The following SYNE1 variants were observed in gnomAD, a reference collection of about 807,000 sequenced individuals.
SYNE1 encodes spectrin repeat containing nuclear envelope protein 1, also known as nesprin-1.
In SYNE1, 616 loss-of-function variants were observed where a neutral mutation model predicts 1,111.0. The ratio of observed to expected loss-of-function variants is 0.55; its 90% CI spans 0.52 to 0.59. SYNE1 has a LOEUF of 0.59. SYNE1 is among the 20% of genes least tolerant of loss of function. SYNE1 has a pLI of 0.00. For synonymous variants in SYNE1, 3,855 were observed against 3,825.8 expected (o/e 1.01, Z -0.28); for missense variants, 10,006 against 10,417.0 (o/e 0.96, Z 1.72).
intron 3 of SYNE1, among the ~76,000 whole-genome samples, chr6:152,595,294 C>T (rs2099577777): frequency 6.6e-6 from 1 of 152,228 alleles, no homozygotes; most frequent in African/African-American, 2.4e-5. Context: ...GATTTCTCAA[C>T]ATCTCCACTG....
intron 42 of SYNE1, among the ~76,000 whole-genome samples, chr6:152,411,722 CACACA>C (rs1563813488): frequency 1.5e-5 from 2 of 136,138 alleles, no homozygotes; most frequent in African/African-American, 6.2e-5. Context: ...CACACACACA[CACACA>C]CCCCCACACA....
intron 27 of SYNE1, among the ~76,000 whole-genome samples, chr6:152,450,021 C>T (rs573911631): frequency 1.3e-5 from 2 of 152,310 alleles, no homozygotes; most frequent in East Asian, 1.9e-4. Flanking sequence ...TTGGCTGTGT[C>T]GCCACCCAAA....
chr6:152,319,708 G>C (rs972458245), intron 84 of SYNE1, among the ~76,000 whole-genome samples: 1 of 111,362 alleles, frequency 9.0e-6, no homozygotes, highest in East Asian at 2.1e-4. Flanking sequence ...CTCTTTAGTA[G>C]GGAGAAAACA....
chr6:152,123,366 G>A (rs866554112), intron 145 of SYNE1, among the ~76,000 whole-genome samples: 3 of 152,184 alleles, frequency 2.0e-5, no homozygotes, highest in South Asian at 2.1e-4. Context: ...TATCACTGAC[G>A]TCATTACTTT....
rs772056716 is a variant in SYNE1 at position 152,156,032 on chromosome 6, G to T, written c.23856C>A (p.Val7952=). 6.2e-7 allele frequency: 1 copy of T among 1,614,018 alleles called. No homozygotes were observed. The highest frequency in any genetic ancestry group is 8.5e-7 in the Non-Finnish European group (1 of 1,180,034). Residue 7952 remains valine (V), a synonymous_variant, in exon 132 of 146, where the codon GTC becomes GTA. Transcript: ENST00000367255. ...CACAGGCGTCACAGTCGTGCAGCAGGACTTCACACAGGTTGAGGACAGATG... is the reference window on the plus strand; with the variant it reads ...CACAGGCGTCACAGTCGTGCAGCAGTACTTCACACAGGTTGAGGACAGATG... ...GVASVLNLCE[V]LLHDCDACAT... is the part of the protein sequence containing the mutation.
At chr6:152,415,257 C>T (rs767382225) in intron 41 of SYNE1, among the ~76,000 whole-genome samples, 1 of 152,176 alleles carries the variant, frequency 6.6e-6, no homozygotes, top group Non-Finnish European at 1.5e-5. Context: ...TTATCTTTGA[C>T]CCGTTTGCTT....
intron 101 of SYNE1, among the ~76,000 whole-genome samples, chr6:152,257,620 A>C (rs753255552): frequency 5.3e-5 from 8 of 152,232 alleles, no homozygotes; most frequent in Non-Finnish European, 1.2e-4. Flanking sequence ...TTAAGACATA[A>C]ATAAATTAGA....
chr6:152,601,137 T>G (rs141500062), intron 3 of SYNE1, among the ~76,000 whole-genome samples: 135 of 152,324 alleles, frequency 8.9e-4, no homozygotes, highest in African/African-American at 3.2e-3. Flanking sequence ...ATATGCTAAA[T>G]GGTTTACACC....
Position 152,155,049 on chromosome 6 carries a change from C to T in SYNE1, c.23979-7G>A, listed in dbSNP as rs376918337. 67 of 1,613,932 alleles carry T rather than the reference C, an allele frequency of 4.2e-5. No homozygotes were observed. Among genetic ancestry groups the T allele is most frequent in the East Asian group, 2.0e-4 (9 of 44,874 alleles). On this transcript the variant is annotated splice_region_variant and splice_polypyrimidine_tract_variant and intron_variant, in intron 132 of 145. Coordinates refer to ENST00000367255, the MANE Select transcript of SYNE1 (RefSeq NM_182961.4). ...TCGCCACGTCTCTTCGATTCTGGGG[C>T]GGAAAATGAAAGAACAGATTCAGAT...
intron 11 of SYNE1, among the ~76,000 whole-genome samples, chr6:152,497,278 T>C (rs2099004902): frequency 6.6e-6 from 1 of 152,148 alleles, no homozygotes; most frequent in Non-Finnish European, 1.5e-5. Context: ...CAGTTAAAAG[T>C]AGAAAGAAAT....
chr6:152,249,007 G>A (rs1303789475), intron 105 of SYNE1, among the ~76,000 whole-genome samples, 154 bp downstream of exon 105: 1 of 152,088 alleles, frequency 6.6e-6, no homozygotes, highest in Admixed American at 6.5e-5. Context: ...AATGTCACCT[G>A]GTATGTTATT....
chr6:152,594,441 C>T (rs1437591489), intron 3 of SYNE1, among the ~76,000 whole-genome samples: 2 of 152,100 alleles, frequency 1.3e-5, no homozygotes, highest in Admixed American at 6.6e-5. Context: ...TTTGCTCTAT[C>T]CAAAGATGGA....
rs893785327 is a variant in SYNE1, at chr6:152,133,460, T to C, written c.25817A>G (p.Gln8606Arg). The change falls in exon 143 of 146, where the codon CAA becomes CGA. Residue 8606 changes from glutamine (Q) to arginine (R), a missense_variant. By Grantham distance (43) the Gln-to-Arg change is conservative. Coordinates refer to ENST00000367255, the MANE Select transcript of SYNE1 (RefSeq NM_182961.4). The part of the protein sequence containing the change: ...MQIKHELLES[Q>R]LRVASLQDMS... ...GTCTTGCAAAGAGGCTACTCTGAGT[T>C]GGGATTCCAACAGCTCATGCTTTAT... The C allele has an allele frequency of 1.2e-6, 2 of 1,614,236 alleles. No individual in the cohort carries two copies. Among genetic ancestry groups the C allele is most frequent in the East Asian group, 4.5e-5 (2 of 44,880 alleles).
At chr6:152,613,895 C>T (rs1214705204) in intron 3 of SYNE1, among the ~76,000 whole-genome samples, 1 of 152,176 alleles carries the variant, frequency 6.6e-6, no homozygotes, top group Non-Finnish European at 1.5e-5. Flanking sequence ...AAAGGATTTC[C>T]TATTTAACAA....
Position 152,329,972 on chromosome 6 carries a change from C to T in SYNE1, c.14713G>A (p.Ala4905Thr). ...AGGTACACCGGCCCACTGAGCTCTGCCTTCACTCTCCTCAGCCAGTCCAGG... is the reference window on the plus strand; with the variant it reads ...AGGTACACCGGCCCACTGAGCTCTGTCTTCACTCTCCTCAGCCAGTCCAGG... Reference protein sequence around the residue: ...RSLDWLRRVKAELSGPVYLDL... With the variant: ...RSLDWLRRVKTELSGPVYLDL... Residue 4905 changes from alanine (A) to threonine (T), a missense_variant, in exon 78 of 146, where the codon GCA (alanine) becomes ACA (threonine). This residue lies in a region of SYNE1 where 4,955 missense variants were observed against 5,017.2 expected (regional missense o/e 0.99). Transcript: ENST00000367255. The T allele has an allele frequency of 6.2e-7, 1 of 1,614,188 alleles. No homozygotes were observed. Among genetic ancestry groups the T allele is most frequent in the Non-Finnish European group, 8.5e-7 (1 of 1,180,034 alleles).
chr6:152,430,300 T>A, intron 35 of SYNE1, 90 bp from the exon 36 acceptor site: 2 of 1,191,076 alleles, frequency 1.7e-6, no homozygotes, highest in Non-Finnish European at 2.4e-6. Context: ...CATACCTACC[T>A]TTTATGGATA....
intron 3 of SYNE1, among the ~76,000 whole-genome samples, chr6:152,570,052 A>T (rs1185937845): frequency 6.6e-6 from 1 of 152,234 alleles, no homozygotes; most frequent in Non-Finnish European, 1.5e-5. Context: ...AACAAAAAGC[A>T]TAAGTCTAGC....
intron 125 of SYNE1, among the ~76,000 whole-genome samples, chr6:152,206,617 A>AG (rs954060142): frequency 6.6e-6 from 1 of 152,196 alleles, no homozygotes; most frequent in Admixed American, 6.5e-5. Flanking sequence ...GGAAATACAG[A>AG]GGGACATCTG....
chr6:152,143,892 T>C, intron 137 of SYNE1, 127 bp from the exon 138 acceptor site: 2 of 1,390,586 alleles, frequency 1.4e-6, no homozygotes, highest in Non-Finnish European at 2.0e-6. Flanking sequence ...TGTGGGTAAT[T>C]ACAAAGCAAA....
Sources: allele counts gnomAD v4.1 joint callset (sites outside exome capture counted in the v4.1 genomes callset), GRCh38; gene constraint gnomAD v4.1.1; regional missense constraint gnomAD v4.1.1; transcripts MANE v1.5; gene names NCBI Gene and HGNC (gene_info 2026-07-23, HGNC 2026-07-21).